ESR2: variants seen among roughly 807,000 people sequenced by gnomAD.
The protein encoded by ESR2 is estrogen receptor beta.
In ESR2, 36 loss-of-function variants were observed where a neutral mutation model predicts 49.6. The observed-to-expected ratio is 0.73, with a 90% CI of 0.56 to 0.96. The LOEUF (loss-of-function observed/expected upper bound fraction) is 0.96, where lower values mean the gene tolerates loss of function less well. Among genes scored for constraint, ESR2 ranks in the 40% least tolerant of loss-of-function variants. The probability of loss-of-function intolerance (pLI) is 0.00; values close to 1 mark genes in which losing one functional copy is unlikely to be tolerated. For missense variants in ESR2, 714 were observed against 693.0 expected, an observed-to-expected ratio of 1.03 and a Z score of -0.34; for synonymous variants, 320 against 266.1, an observed-to-expected ratio of 1.20 and a Z score of -1.97.
rs575267235 is a variant in ESR2 at position 64,257,332 on chromosome 14, G to T, written c.985C>A (p.Arg329=). ...FVELSLFDQV[R]LLESCWMEVL... ...TCCATCCAACAGCTCTCCAAGAGCCGCACTTGGTCGAACAGGCTGAGCTCC... is the reference window on the plus strand; with the variant it reads ...TCCATCCAACAGCTCTCCAAGAGCCTCACTTGGTCGAACAGGCTGAGCTCC... Residue 329 remains arginine, a synonymous_variant, in exon 6 of 9, where the codon CGG becomes AGG. Coordinates refer to ENST00000341099, the MANE Select transcript of ESR2 (RefSeq NM_001437.3). 9.3e-6 allele frequency: 15 copies of T among 1,613,412 alleles called. No individual in the cohort carries two copies. In the South Asian group the frequency reaches 1.3e-4, roughly 14 times the overall value.
At position 64,247,965 on chromosome 14, in the gene ESR2, A is replaced by G. The variant is rs555191520; in HGVS notation, c.1225+1581T>C. On this transcript the variant is annotated intron_variant, in intron 7 of 8. Transcript: ENST00000341099. ...CCCAGAATGGTTTCACAGCATTTTG[A>G]AAAGAAAAACAAAAATACAGGAGTT... Among the ~76,000 whole-genome samples the G allele has an allele frequency of 2.0e-5, 3 of 152,322 alleles. No homozygotes were observed. In the East Asian group the frequency reaches 5.8e-4, roughly 29 times the overall value.
intron 4 of ESR2, among the ~76,000 whole-genome samples, chr14:64,263,182 C>T (rs1335357271): frequency 6.6e-6 from 1 of 151,970 alleles, no homozygotes; most frequent in Non-Finnish European, 1.5e-5. Context: ...ATATACCTAA[C>T]ATATAGAAAA....
intron 3 of ESR2, among the ~76,000 whole-genome samples, chr14:64,277,626 A>C (rs1238403264): frequency 2.7e-5 from 1 of 36,702 alleles, no homozygotes; most frequent in Non-Finnish European, 5.8e-5. Flanking sequence ...CTCCATCTCC[A>C]AAAAAAAAAA....
chr14:64,282,407 C>A (rs1034580629), intron 2 of ESR2, among the ~76,000 whole-genome samples: 5 of 152,124 alleles, frequency 3.3e-5, no homozygotes, highest in African/African-American at 1.2e-4. Context: ...GTCATGATAG[C>A]AAATTCTCCC....
In ESR2 at chr14:64,249,476, T is replaced by A. The variant is rs1289686562; in HGVS notation, c.1225+70A>T. Reference sequence around the variant, plus strand: ...TAAAATAGAAGTTCAACATTCTTCTTAATATCACGCTAGTTGTAGAAACAG... The same window carrying A: ...TAAAATAGAAGTTCAACATTCTTCTAAATATCACGCTAGTTGTAGAAACAG... On this transcript the variant is annotated intron_variant, in intron 7 of 8. Coordinates refer to ENST00000341099, the MANE Select transcript of ESR2 (RefSeq NM_001437.3). 2.6e-6 allele frequency: 4 copies of A among 1,511,404 alleles called. No homozygotes were observed. The African/African-American group carries it at 5.6e-5, about 21-fold the overall frequency. 93.6% of individuals were successfully genotyped at this position (1,511,404 alleles called of 1,614,324 possible).
chr14:64,329,944 G>C (rs559985709), intron 1 of ESR2: 1 of 152,178 alleles, frequency 6.6e-6, no homozygotes, highest in South Asian at 2.1e-4. Context: ...TTTGAGACCA[G>C]CCTGGCCAAC....
downstream of ESR2, chr14:64,227,389 G>A: frequency 1.1e-6 from 1 of 892,338 alleles, no homozygotes; most frequent in Non-Finnish European, 1.7e-6. Flanking sequence ...AAGGAAGGTG[G>A]TTTTTAACCA....
rs751029107 is a variant in ESR2, at chr14:64,260,444, C to T, written c.952+5G>A. The T allele has an allele frequency of 7.9e-6, 12 of 1,522,564 alleles. No individual in the cohort carries two copies. The highest frequency in any genetic ancestry group is 1.1e-5 in the Non-Finnish European group (12 of 1,136,662). 94.3% of individuals were successfully genotyped at this position (1,522,564 alleles called of 1,614,324 possible). A position where few individuals can be genotyped will look rare whatever the true frequency, so the allele number is the denominator to read the frequency against. The stretch of plus-strand genomic sequence containing the variant: ...CATGGAAAACTGATAGCCAGAAAGC[C>T]CTACCGGGAATCTTCTTGGCCCAGC... On this transcript the variant is annotated splice_donor_5th_base_variant and intron_variant, in intron 5 of 8. Transcript: ENST00000341099.
chr14:64,269,938 A>G (rs1358491289), intron 3 of ESR2, among the ~76,000 whole-genome samples: 1 of 152,214 alleles, frequency 6.6e-6, no homozygotes, highest in Non-Finnish European at 1.5e-5. Context: ...AGCCTGCTGT[A>G]GTTGTGCAAA....
chr14:64,235,277 G>T, intron 7 of ESR2, 127 bp from the exon 8 acceptor site: 1 of 940,674 alleles, frequency 1.1e-6, no homozygotes, highest in Non-Finnish European at 1.6e-6. Flanking sequence ...TGTGGCAGGA[G>T]CTTATAAGCA....
At chr14:64,247,722 C>T (rs935831050) in intron 7 of ESR2, among the ~76,000 whole-genome samples, 29 of 152,162 alleles carry the variant, frequency 1.9e-4, no homozygotes, top group Admixed American at 2.6e-4. Context: ...TCTGCTAGAG[C>T]GGCTGGCTTA....
chr14:64,316,821 T>C (rs919901012), intron 1 of ESR2, among the ~76,000 whole-genome samples: 21 of 151,698 alleles, frequency 1.4e-4, no homozygotes, highest in African/African-American at 5.1e-4. Context: ...AAAATAAAAA[T>C]AAAATAAAAT....
chr14:64,324,226 A>T (rs965240919), intron 1 of ESR2, among the ~76,000 whole-genome samples: 1 of 152,202 alleles, frequency 6.6e-6, no homozygotes, highest in African/African-American at 2.4e-5. Flanking sequence ...GTAACTTACA[A>T]GAAGAGATTA....
At chr14:64,309,118 G>A (rs1433361626) in intron 1 of ESR2, among the ~76,000 whole-genome samples, 2 of 152,070 alleles carry the variant, frequency 1.3e-5, no homozygotes, top group Admixed American at 6.6e-5. Flanking sequence ...TTCAGTAAAC[G>A]GTAGCTATTA....
In ESR2 at chr14:64,275,075, A is replaced by G. The variant is rs900543480; in HGVS notation, c.535+4906T>C. ...GGAAAAGAATGTGTATGTTGCAGCC[A>G]CTGGATGAAATATTCTGTAAATATC... On this transcript the variant is annotated intron_variant, in intron 3 of 8. Transcript: ENST00000341099. Among the ~76,000 whole-genome samples the G allele has an allele frequency of 3.9e-5, 6 of 152,222 alleles. No individual in the cohort carries two copies. The East Asian group carries it at 1.2e-3, about 29-fold the overall frequency.
At chr14:64,323,195 C>A (rs1392725619) in intron 1 of ESR2, among the ~76,000 whole-genome samples, 1 of 152,014 alleles carries the variant, frequency 6.6e-6, no homozygotes. Context: ...TTGGGGTAGG[C>A]ACATGTTATT....
At position 64,280,057 on chromosome 14, in the gene ESR2, G is replaced by T; in HGVS notation, c.459C>A (p.Ser153Arg). ...KRDAHFCAVC[S>R]DYASGYHYGV... is the part of the protein sequence containing the mutation. ...CATAGTGATATCCCGATGCGTAATC[G>T]CTGCAGACAGCGCAGAAGTGAGCAT... The change falls in exon 3 of 9, where the codon AGC (serine) becomes AGA (arginine). Residue 153 changes from serine (S) to arginine (R), a missense_variant. Transcript: ENST00000341099. The T allele has an allele frequency of 6.2e-7, 1 of 1,614,004 alleles. No homozygotes were observed. The highest frequency in any genetic ancestry group is 8.5e-7 in the Non-Finnish European group (1 of 1,179,896).
In ESR2 at chr14:64,268,832, T is replaced by A; in HGVS notation, c.615A>T (p.Arg205=). 6.2e-7 allele frequency: 1 copy of A among 1,613,858 alleles called. No homozygotes were observed. Among genetic ancestry groups the A allele is most frequent in the Non-Finnish European group, 8.5e-7 (1 of 1,179,722 alleles). The change falls in exon 4 of 9, where the codon CGA becomes CGT. Residue 205 remains arginine, a synonymous_variant. Coordinates refer to ENST00000341099, the MANE Select transcript of ESR2 (RefSeq NM_001437.3). The part of the protein sequence containing the change: ...KNRRKSCQAC[R]LRKCYEVGMV... ...TTCCCACTTCGTAACACTTCCGAAG[T>A]CGGCAGGCCTGGCAGCTCTTGCGCC...
At chr14:64,233,618 A>G (rs2098729506) in intron 8 of ESR2, 1 of 350,528 alleles carries the variant, frequency 2.9e-6, no homozygotes, top group East Asian at 4.8e-5. Context: ...CACTGTGAAC[A>G]CTGAATCCTC....
Sources: gnomAD v4.1 joint callset for allele counts (sites outside exome capture counted in the v4.1 genomes callset) on GRCh38, gnomAD v4.1.1 for gene constraint, MANE v1.5 for transcripts, NCBI Gene and HGNC (gene_info 2026-07-23, HGNC 2026-07-21) for gene names.